TNS1: variants seen among roughly 807,000 people sequenced by gnomAD.
The protein encoded by TNS1 is tensin-1.
In TNS1, 62 loss-of-function variants were observed where a neutral mutation model predicts 168.6. The ratio of observed to expected loss-of-function variants is 0.37; its 90% CI spans 0.30 to 0.45. The LOEUF (loss-of-function observed/expected upper bound fraction) is 0.45, where lower values mean the gene tolerates loss of function less well. TNS1 is among the 20% of genes least tolerant of loss of function. The pLI, the probability that TNS1 is intolerant of heterozygous loss-of-function variation, is 1.00. For synonymous variants in TNS1, 934 were observed against 933.2 expected, an observed-to-expected ratio of 1.00 and a Z score of -0.02; for missense variants, 2,240 against 2,339.4, an observed-to-expected ratio of 0.96 and a Z score of 0.88.
chr2:217,932,906 A>G (rs1386342778), intron 3 of TNS1, among the ~76,000 whole-genome samples: 1 of 152,148 alleles, frequency 6.6e-6, no homozygotes, highest in African/African-American at 2.4e-5. Flanking sequence ...ATTAGCGCGC[A>G]TCGGGGACTG....
intron 18 of TNS1, chr2:217,858,486 A>T: frequency 1.0e-6 from 1 of 980,942 alleles, no homozygotes; most frequent in Non-Finnish European, 1.2e-6. Flanking sequence ...CCCAGCAGAC[A>T]CTTACCCTCT....
intron 1 of TNS1, among the ~76,000 whole-genome samples, chr2:218,024,320 G>A (rs771556124): frequency 8.9e-6 from 1 of 112,274 alleles, no homozygotes; most frequent in Non-Finnish European, 1.8e-5. Context: ...ATCCCCCCAC[G>A]GAATACTACC....
At chr2:217,962,638 T>C (rs1364570486) in intron 3 of TNS1, among the ~76,000 whole-genome samples, 2 of 152,184 alleles carry the variant, frequency 1.3e-5, no homozygotes, top group African/African-American at 4.8e-5. Context: ...GGCACCATTC[T>C]TTACAGTAGA....
chr2:218,027,472 T>C (rs1958860537), intron 1 of TNS1, among the ~76,000 whole-genome samples: 1 of 152,058 alleles, frequency 6.6e-6, no homozygotes, highest in Admixed American at 6.6e-5. Flanking sequence ...CCCCTCCCTC[T>C]GGGAAGGTGA....
Position 217,986,730 on chromosome 2 carries a change from TAC to T in TNS1, c.148+4210_148+4211del, listed in dbSNP as rs60286055. The T allele has an allele frequency of 4.9e-3, 729 of 147,374 alleles. 3 individuals carry two copies. Among genetic ancestry groups the T allele is most frequent in the Middle Eastern group, 7.1e-3 (2 of 282 alleles). 9.1% of individuals were successfully genotyped at this position (147,374 alleles called of 1,614,324 possible). ...ACTGAGTCAGAAACGGCCCTCCACA[TAC>T]ACACACACACACACACACACACACA... is the stretch of plus-strand genomic sequence containing the variant. On this transcript the variant is annotated intron_variant, in intron 2 of 32. Transcript: ENST00000682258. This position sits in a 1 kb window ranked among gnomAD's most constrained non-coding sequence, Gnocchi z 4.7.
chr2:217,975,376 T>C (rs1249268106), intron 3 of TNS1, among the ~76,000 whole-genome samples: 2 of 152,176 alleles, frequency 1.3e-5, no homozygotes, highest in Non-Finnish European at 2.9e-5. Context: ...TATTTTAAGC[T>C]ACTAAATCTG....
Position 217,866,027 on chromosome 2 carries a change from C to A in TNS1, c.1429+14871G>T, listed in dbSNP as rs1203469438. On this transcript the variant is annotated intron_variant, in intron 18 of 32. Transcript: ENST00000682258. ...TTTCAGAAAATCTAGAAAATCTAGT[C>A]CTGGCACCTGTTCCTGTTACTCAGA... Among the ~76,000 whole-genome samples the A allele has an allele frequency of 2.6e-5, 4 of 152,134 alleles. No individual in the cohort carries two copies. The South Asian group carries it at 8.3e-4, about 32-fold the overall frequency.
intron 18 of TNS1, chr2:217,859,741 T>C: frequency 6.8e-7 from 1 of 1,473,858 alleles, no homozygotes; most frequent in Non-Finnish European, 9.2e-7. Context: ...CTTTTCAGAG[T>C]TCGCAATGCC....
In TNS1 at chr2:217,817,719, A is replaced by G. The variant is rs1198325727; in HGVS notation, c.4613T>C (p.Leu1538Pro). The change falls in exon 24 of 33, where the codon CTG (leucine) becomes CCG (proline). Residue 1538 changes from leucine to proline, a missense_variant. Physicochemically the swap from Leu to Pro is moderately conservative, Grantham distance 98 (BLOSUM62 -3). Around this residue, in one of 2 missense-constraint regions of TNS1, gnomAD observed 2,131 missense variants for 2,171.2 expected, o/e 0.98. Coordinates refer to ENST00000682258, the MANE Select transcript of TNS1 (RefSeq NM_001387777.1). ...GGSTVSFSHT[L>P]PDFSKYSMPD... is the part of the protein sequence containing the mutation. ...CATGGAGTACTTGGAGAAGTCGGGC[A>G]GAGTGTGGGAGAAGGAGACGGTGCT... The G allele has an allele frequency of 6.2e-7, 1 of 1,603,066 alleles. No individual in the cohort carries two copies. The highest frequency in any genetic ancestry group is 2.2e-5 in the East Asian group (1 of 44,538).
chr2:217,946,495 G>T lies in TNS1; in HGVS notation c.187-26259C>A, dbSNP rs142367567. 5.3e-5 allele frequency among the ~76,000 whole-genome samples: 8 copies of T among 152,238 alleles called. No individual in the cohort carries two copies. In the East Asian group the frequency reaches 1.5e-3, roughly 29 times the overall value. ...TAATCAGTTCATGATTGAATCAAAG[G>T]GCATTTTAAAATGCTTAATACAGCA... On this transcript the variant is annotated intron_variant, in intron 3 of 32. Transcript: ENST00000682258.
Position 217,813,917 on chromosome 2 carries a change from G to A in TNS1, c.4730-101C>T. The A allele has an allele frequency of 7.3e-7, 1 of 1,364,874 alleles. No individual in the cohort carries two copies. Among genetic ancestry groups the A allele is most frequent in the Non-Finnish European group, 9.6e-7 (1 of 1,046,794 alleles). 84.5% of individuals were successfully genotyped at this position (1,364,874 alleles called of 1,614,324 possible). A position where few individuals can be genotyped will look rare whatever the true frequency, so the allele number is the denominator to read the frequency against. On this transcript the variant is annotated intron_variant, in intron 25 of 32. Transcript: ENST00000682258. This position sits in a 1 kb window ranked among gnomAD's most constrained non-coding sequence, Gnocchi z 4.0. ...CCTACCGACCTTCGTTCTTTCTTAGGTGAGACAAATTTTCTTTAAAGTTAA... is the reference window on the plus strand; with the variant it reads ...CCTACCGACCTTCGTTCTTTCTTAGATGAGACAAATTTTCTTTAAAGTTAA...
intron 12 of TNS1, among the ~76,000 whole-genome samples, chr2:217,889,362 C>T (rs1364448411): frequency 6.6e-6 from 1 of 152,312 alleles, no homozygotes; most frequent in Non-Finnish European, 1.5e-5. Context: ...TGATGGGGCA[C>T]GTGTTGGGAC....
chr2:217,848,162 A>AGGC lies in TNS1; in HGVS notation c.2352_2354dup (p.Pro785dup), dbSNP rs1325461690. 4 of 1,594,902 alleles carry AGGC rather than the reference A, an allele frequency of 2.5e-6. No homozygotes were observed. Among genetic ancestry groups the AGGC allele is most frequent in the Non-Finnish European group, 3.4e-6 (4 of 1,172,538 alleles). ...TTTCCTGCTGGCGTGGAGGTGGGCGAGGCTGCTGCTGCTGCTGCTGCTGCT... is the reference window on the plus strand; with the variant it reads ...TTTCCTGCTGGCGTGGAGGTGGGCGAGGCGGCTGCTGCTGCTGCTGCTGCTGCT... On this transcript the variant is annotated inframe_insertion, in exon 19 of 33. Coordinates refer to ENST00000682258, the MANE Select transcript of TNS1 (RefSeq NM_001387777.1).
rs145524148 is a variant in TNS1, at chr2:217,847,926, G to A, written c.2591C>T (p.Pro864Leu). 93 of 1,523,474 alleles carry A rather than the reference G, an allele frequency of 6.1e-5. No individual in the cohort carries two copies. The African/African-American group carries it at 1.2e-3, about 20-fold the overall frequency. The allele number at this position is 1,523,474 out of a possible 1,614,324, so 94.4% of individuals were successfully genotyped here. Residue 864 changes from proline to leucine, a missense_variant, in exon 19 of 33, where the codon CCA (proline) becomes CTA (leucine). By Grantham distance (98) the Pro-to-Leu change is moderately conservative. Around this residue, in one of 2 missense-constraint regions of TNS1, gnomAD observed 2,131 missense variants for 2,171.2 expected, o/e 0.98. Transcript: ENST00000682258. ...HKSQSVPGAWPGASPLSSQPL... is the reference protein window; with the variant it reads ...HKSQSVPGAWLGASPLSSQPL... ...CTGGGAGGAGAGTGGAGAAGCCCCT[G>A]GCCAGGCCCCGGGGACACTCTGGGA... is the stretch of plus-strand genomic sequence containing the variant.
In TNS1 at chr2:218,032,914, G is replaced by A. The variant is rs151071090; in HGVS notation, c.156+906C>T. On this transcript the variant is annotated intron_variant, in intron 1 of 1. Coordinates refer to the TNS1 transcript ENST00000649572. The surrounding 1 kb of genome is among the most constrained non-coding windows in gnomAD (Gnocchi z 4.0). ...CCTCTCCCTGCCACTGTCACACACC[G>A]GCACACACACCCTCCCCTCTTTCTC... Among the ~76,000 whole-genome samples the A allele has an allele frequency of 4.9e-3, 747 of 152,108 alleles. 4 individuals carry two copies. The highest frequency in any genetic ancestry group is 0.017 in the African/African-American group (702 of 41,498).
At chr2:217,927,603 G>C (rs556238715) in intron 3 of TNS1, among the ~76,000 whole-genome samples, 1 of 152,076 alleles carries the variant, frequency 6.6e-6, no homozygotes, top group Non-Finnish European at 1.5e-5. Flanking sequence ...GAGAAAGTGG[G>C]GGAGAAGAGG....
intron 19 of TNS1, among the ~76,000 whole-genome samples, chr2:217,842,568 G>A (rs1946123392): frequency 6.6e-6 from 1 of 152,100 alleles, no homozygotes; most frequent in African/African-American, 2.4e-5. Flanking sequence ...CAGATCAATA[G>A]CAGCAGCCAC....
upstream of TNS1, among the ~76,000 whole-genome samples, chr2:218,004,087 T>TGA (rs1195771926): frequency 6.6e-6 from 1 of 152,202 alleles, no homozygotes; most frequent in African/African-American, 2.4e-5. Context: ...CTGGACCAAC[T>TGA]GAGGGTGGGT....
At chr2:217,921,092 C>T (rs1438845964) in intron 3 of TNS1, among the ~76,000 whole-genome samples, 2 of 152,134 alleles carry the variant, frequency 1.3e-5, no homozygotes, top group Non-Finnish European at 2.9e-5. Context: ...AGATAACATT[C>T]CCCTGGCCAG....
Sources: allele counts gnomAD v4.1 joint callset (sites outside exome capture counted in the v4.1 genomes callset), GRCh38; gene constraint gnomAD v4.1.1; regional missense constraint gnomAD v4.1.1; non-coding constraint Gnocchi (gnomAD v3.1); transcripts MANE v1.5; gene names NCBI Gene and HGNC (gene_info 2026-07-23, HGNC 2026-07-21).